Variants in SOS2 observed in about 807,000 individuals in gnomAD.
The protein encoded by SOS2 is son of sevenless homolog 2.
SOS2 carries 65 observed loss-of-function variants against 148.2 expected under a neutral mutation model. That is an observed-to-expected ratio of 0.44 (90% CI 0.36 to 0.54). The LOEUF (loss-of-function observed/expected upper bound fraction) is 0.54. Ranked by LOEUF, SOS2 falls within the 20% of genes least tolerant of loss-of-function variation. SOS2 has a pLI of 0.00. For missense variants in SOS2, 1,341 were observed against 1,590.2 expected, an observed-to-expected ratio of 0.84 and a Z score of 2.67; for synonymous variants, 539 against 537.1, an observed-to-expected ratio of 1.00 and a Z score of -0.05.
At chr14:50,206,912 C>T (rs898507144) in intron 1 of SOS2, among the ~76,000 whole-genome samples, 1 of 152,114 alleles carries the variant, frequency 6.6e-6, no homozygotes. Context: ...TCAAGCTGGT[C>T]TTGAACTTGT....
rs146444279 is a variant in SOS2, at chr14:50,158,929, A to T, written c.1853-283T>A. 2.2e-3 allele frequency among the ~76,000 whole-genome samples: 328 copies of T among 152,302 alleles called. 2 individuals carry two copies. Among genetic ancestry groups the T allele is most frequent in the African/African-American group, 7.0e-3 (289 of 41,572 alleles). ...GCTGGGTGAGGTGGCTCACGCCTAT[A>T]ATCTCAGCACTTTGGGAGGCCGAGG... is the stretch of plus-strand genomic sequence containing the variant. On this transcript the variant is annotated intron_variant, in intron 10 of 22. Transcript: ENST00000216373.
At chr14:50,145,751 C>T (rs1342311254) in intron 14 of SOS2, among the ~76,000 whole-genome samples, 155 bp from the exon 15 acceptor site, 2 of 152,176 alleles carry the variant, frequency 1.3e-5, no homozygotes, top group African/African-American at 4.8e-5. Context: ...CAAATAGCTA[C>T]AAACACGAAA....
intron 5 of SOS2, among the ~76,000 whole-genome samples, chr14:50,187,526 T>G (rs1479117545): frequency 6.6e-6 from 1 of 151,792 alleles, no homozygotes; most frequent in African/African-American, 2.4e-5. Context: ...TTTTTTGTAT[T>G]TTTTAGTGGA....
chr14:50,188,402 C>A, intron 5 of SOS2, 95 bp downstream of exon 5: 3 of 820,356 alleles, frequency 3.7e-6, no homozygotes. Flanking sequence ...AGCAAGACTC[C>A]GTCTCAAAAA....
intron 12 of SOS2, among the ~76,000 whole-genome samples, chr14:50,155,111 T>C (rs938756668): frequency 5.9e-5 from 9 of 152,132 alleles, no homozygotes; most frequent in Admixed American, 6.6e-5. Context: ...TGAATAGATA[T>C]GAATAGATGA....
At chr14:50,131,781 A>G (rs1375001369) in intron 19 of SOS2, among the ~76,000 whole-genome samples, 1 of 152,214 alleles carries the variant, frequency 6.6e-6, no homozygotes, top group Non-Finnish European at 1.5e-5. Context: ...TTACAAATTG[A>G]TAACTCATTT....
chr14:50,122,390 G>GTTTTTTTTTTTTTTT (rs1566816230), intron 21 of SOS2, among the ~76,000 whole-genome samples: 1 of 60,554 alleles, frequency 1.7e-5, no homozygotes, highest in African/African-American at 8.2e-5. Flanking sequence ...AGAACCCTGG[G>GTTTTTTTTTTTTTTT]CTTTTTTTTT....
At chr14:50,190,812 T>C (rs765191569) in intron 4 of SOS2, among the ~76,000 whole-genome samples, 35 of 152,186 alleles carry the variant, frequency 2.3e-4, no homozygotes, top group Non-Finnish European at 5.0e-4. Flanking sequence ...CTTCTTGTCA[T>C]TGGAGACCAT....
At chr14:50,193,893 C>T (rs891088807) in intron 4 of SOS2, among the ~76,000 whole-genome samples, 8 of 152,026 alleles carry the variant, frequency 5.3e-5, no homozygotes, top group South Asian at 2.1e-4. Context: ...TATAGGCAAT[C>T]GCCACCACGT....
chr14:50,195,797 G>A (rs1329600484), intron 4 of SOS2, among the ~76,000 whole-genome samples: 2 of 152,202 alleles, frequency 1.3e-5, no homozygotes, highest in East Asian at 1.9e-4. Flanking sequence ...TTGGAAGGCC[G>A]AGGCAGGCAG....
rs74714090 is a variant in SOS2, at chr14:50,118,294, A to T, written c.*50T>A. The T allele has an allele frequency of 4.2e-3, 6,138 of 1,469,722 alleles. 38 individuals are homozygous for T. The highest frequency in any genetic ancestry group is 0.017 in the South Asian group (1,246 of 73,512). 91.0% of individuals were successfully genotyped at this position (1,469,722 alleles called of 1,614,324 possible). On this transcript the variant is annotated 3_prime_UTR_variant, in exon 23 of 23. Transcript: ENST00000216373. ...TGTCTTTTTTTGAATAAATTAAAAAAAAAACTTTACAAATACCATTCCAGT... is the reference window on the plus strand; with the variant it reads ...TGTCTTTTTTTGAATAAATTAAAAATAAAACTTTACAAATACCATTCCAGT...
chr14:50,142,424 C>A (rs1039582097), intron 16 of SOS2, among the ~76,000 whole-genome samples: 3 of 152,124 alleles, frequency 2.0e-5, no homozygotes, highest in African/African-American at 7.2e-5. Flanking sequence ...TTCCTCTATT[C>A]CCCTCTAATA....
chr14:50,159,554 C>T lies in SOS2; in HGVS notation c.1729G>A (p.Val577Ile), dbSNP rs1383231311. Residue 577 changes from valine to isoleucine, a missense_variant, in exon 10 of 23, where the codon GTA (valine) becomes ATA (isoleucine). By Grantham distance (29) the Val-to-Ile change is conservative. This residue lies in a region of SOS2 where 574 missense variants were observed against 711.1 expected (regional missense o/e 0.81). Coordinates refer to ENST00000216373, the MANE Select transcript of SOS2 (RefSeq NM_006939.4). ...LPSPEVYRFV[V>I]KDSEENIVFE... ...ACAATGTTTTCCTCAGAGTCTTTTA[C>T]TACAAAACGATATACTTCAGGACTT... 11 of 1,613,758 alleles carry T rather than the reference C, an allele frequency of 6.8e-6. No individual in the cohort carries two copies. Among genetic ancestry groups the T allele is most frequent in the Non-Finnish European group, 9.3e-6 (11 of 1,179,872 alleles).
rs74048903 is a variant in SOS2, at chr14:50,172,011, T to C, written c.1068+2443A>G. On this transcript the variant is annotated intron_variant, in intron 8 of 22. Transcript: ENST00000216373. ...GGTGGAATTGCCTAGTCAGACAGTATACATATTTTTTAATTTAAAAGGTAA... is the reference window on the plus strand; with the variant it reads ...GGTGGAATTGCCTAGTCAGACAGTACACATATTTTTTAATTTAAAAGGTAA... Among the ~76,000 whole-genome samples, 763 of 152,306 alleles carry C rather than the reference T, an allele frequency of 5.0e-3. 5 individuals carry two copies. Among genetic ancestry groups the C allele is most frequent in the African/African-American group, 0.016 (684 of 41,562 alleles).
chr14:50,145,107 A>G, intron 16 of SOS2, 63 bp downstream of exon 16: 1 of 903,250 alleles, frequency 1.1e-6, no homozygotes, highest in Non-Finnish European at 1.6e-6. Flanking sequence ...TGATAGATGA[A>G]ATTTCTTTTA....
Position 50,155,663 on chromosome 14 carries a change from C to T in SOS2, c.2057+1336G>A, listed in dbSNP as rs1056400987. Among the ~76,000 whole-genome samples the T allele has an allele frequency of 2.6e-5, 4 of 152,054 alleles. No individual in the cohort carries two copies. The East Asian group carries it at 7.7e-4, about 29-fold the overall frequency. ...TGTCTTTTTCCCCCAGTAAAGTCCC[C>T]AAGAAAGCCACAATATCATGACAGT... On this transcript the variant is annotated intron_variant, in intron 12 of 22. Transcript: ENST00000216373.
At chr14:50,209,245 T>A (rs1002101759) in intron 1 of SOS2, among the ~76,000 whole-genome samples, 1 of 148,794 alleles carries the variant, frequency 6.7e-6, no homozygotes, top group African/African-American at 2.5e-5. Flanking sequence ...TGGGCCACCA[T>A]AACCTCATGA....
intron 1 of SOS2, among the ~76,000 whole-genome samples, chr14:50,224,262 G>A (rs931013817): frequency 6.8e-6 from 1 of 146,292 alleles, no homozygotes; most frequent in Non-Finnish European, 1.5e-5. Context: ...CTGCACTCCA[G>A]CCTGGGTGAC....
chr14:50,185,578 G>C (rs1190577298), intron 5 of SOS2, among the ~76,000 whole-genome samples: 2 of 151,788 alleles, frequency 1.3e-5, no homozygotes, highest in African/African-American at 4.8e-5. Context: ...TCTAATCCTA[G>C]CTACTCGGGA....
Sources: gnomAD v4.1 joint callset for allele counts (sites outside exome capture counted in the v4.1 genomes callset) on GRCh38, gnomAD v4.1.1 for gene constraint, gnomAD v4.1.1 regional missense constraint, MANE v1.5 for transcripts, NCBI Gene and HGNC (gene_info 2026-07-23, HGNC 2026-07-21) for gene names.